Variants in BANK1 observed in about 807,000 individuals in gnomAD.
BANK1 encodes B cell scaffold protein with ankyrin repeats 1, also known as B-cell scaffold protein with ankyrin repeats.
In BANK1, 95 loss-of-function variants were observed where a neutral mutation model predicts 94.5. That is an observed-to-expected ratio of 1.00 (90% CI 0.85 to 1.19). The LOEUF (loss-of-function observed/expected upper bound fraction) is 1.19. Among genes scored for constraint, BANK1 ranks in the 50% most tolerant of loss-of-function variants. The pLI, the probability that BANK1 is intolerant of heterozygous loss-of-function variation, is 0.00. For missense variants in BANK1, 987 were observed against 932.2 expected, an observed-to-expected ratio of 1.06 and a Z score of -0.77; for synonymous variants, 334 against 308.4, an observed-to-expected ratio of 1.08 and a Z score of -0.87.
At chr4:102,000,322 CAAAAA>C (rs3974642) in intron 7 of BANK1, among the ~76,000 whole-genome samples, 4 of 66,102 alleles carry the variant, frequency 6.1e-5, no homozygotes, top group Non-Finnish European at 1.1e-4. Flanking sequence ...AACTCTGTCT[CAAAAA>C]AAAAAAAAAA....
At chr4:101,850,445 T>A (rs1054504564) in intron 2 of BANK1, among the ~76,000 whole-genome samples, 1 of 151,978 alleles carries the variant, frequency 6.6e-6, no homozygotes, top group African/African-American at 2.4e-5. Flanking sequence ...CTAATTTTTT[T>A]TTTTTTTTGT....
At chr4:102,055,872 A>C (rs536786386) in intron 11 of BANK1, among the ~76,000 whole-genome samples, 1 of 152,156 alleles carries the variant, frequency 6.6e-6, no homozygotes, top group African/African-American at 2.4e-5. Context: ...CTTTAGGGAG[A>C]GAGATGACAG....
intron 4 of BANK1, among the ~76,000 whole-genome samples, chr4:101,865,996 A>G (rs1728054868): frequency 6.6e-6 from 1 of 152,154 alleles, no homozygotes; most frequent in African/African-American, 2.4e-5. Flanking sequence ...AGGAGTATTT[A>G]CCTTACATCT....
At chr4:101,834,041 A>C (rs1381428114) in intron 2 of BANK1, among the ~76,000 whole-genome samples, 1 of 152,170 alleles carries the variant, frequency 6.6e-6, no homozygotes, top group East Asian at 1.9e-4. Context: ...CACACCCATA[A>C]TTTCTATTTA....
chr4:101,970,103 G>C (rs1167981820), intron 7 of BANK1, among the ~76,000 whole-genome samples: 1 of 152,036 alleles, frequency 6.6e-6, no homozygotes, highest in Non-Finnish European at 1.5e-5. Flanking sequence ...CTAATCCTCT[G>C]TTTCCTCCTC....
intron 2 of BANK1, among the ~76,000 whole-genome samples, chr4:101,839,134 A>T (rs1726937156): frequency 6.6e-6 from 1 of 152,232 alleles, no homozygotes; most frequent in African/African-American, 2.4e-5. Context: ...ACATTCATTT[A>T]TTGAGGATAT....
At chr4:101,817,004 G>A (rs901142044) in intron 1 of BANK1, among the ~76,000 whole-genome samples, 2 of 152,094 alleles carry the variant, frequency 1.3e-5, no homozygotes, top group Non-Finnish European at 2.9e-5. Flanking sequence ...ATAAAGCTTT[G>A]TTATAAAGCT....
intron 7 of BANK1, among the ~76,000 whole-genome samples, chr4:101,963,807 G>A (rs1724652797): frequency 6.6e-6 from 1 of 151,992 alleles, no homozygotes; most frequent in South Asian, 2.1e-4. Flanking sequence ...TGACCCTCCT[G>A]TATCTGTGCA....
chr4:101,962,973 GT>G (rs1373785826), intron 7 of BANK1, among the ~76,000 whole-genome samples: 1 of 152,016 alleles, frequency 6.6e-6, no homozygotes, highest in Non-Finnish European at 1.5e-5. Context: ...GCCTCAAAAT[GT>G]ACAAATTTGC....
intron 2 of BANK1, among the ~76,000 whole-genome samples, chr4:101,844,779 A>G (rs1421374529): frequency 6.6e-6 from 1 of 152,224 alleles, no homozygotes; most frequent in Non-Finnish European, 1.5e-5. Flanking sequence ...GGCATTTGAG[A>G]CATAGTCAAA....
At chr4:101,805,959 C>T (rs1578327308) in intron 1 of BANK1, among the ~76,000 whole-genome samples, 1 of 151,880 alleles carries the variant, frequency 6.6e-6, no homozygotes, top group African/African-American at 2.4e-5. Context: ...TTTAATATAA[C>T]TTTGAATATT....
intron 11 of BANK1, among the ~76,000 whole-genome samples, chr4:102,056,416 T>C (rs1241953610): frequency 6.6e-6 from 1 of 152,102 alleles, no homozygotes; most frequent in East Asian, 1.9e-4. Context: ...TTATTGAATA[T>C]ACAAACTTTG....
intron 2 of BANK1, among the ~76,000 whole-genome samples, chr4:101,851,608 A>G (rs1322382559): frequency 6.6e-6 from 1 of 152,182 alleles, no homozygotes; most frequent in Non-Finnish European, 1.5e-5. Flanking sequence ...CTGTCAGTTA[A>G]TAGTTGTTGC....
chr4:102,071,791 G>T (rs1410649280), intron 14 of BANK1, among the ~76,000 whole-genome samples: 2 of 152,186 alleles, frequency 1.3e-5, no homozygotes, highest in African/African-American at 4.8e-5. Flanking sequence ...TGTGCTGATG[G>T]GATAGTAAGG....
intron 1 of BANK1, among the ~76,000 whole-genome samples, chr4:101,819,260 T>A (rs918465022): frequency 1.3e-5 from 2 of 152,186 alleles, no homozygotes; most frequent in East Asian, 1.9e-4. Flanking sequence ...CTAGTACACG[T>A]GCCTTTAGGT....
At chr4:101,981,209 A>G (rs1298543056) in intron 7 of BANK1, among the ~76,000 whole-genome samples, 1 of 152,132 alleles carries the variant, frequency 6.6e-6, no homozygotes. Context: ...TGTGACTGAA[A>G]TAGATGTGTT....
intron 6 of BANK1, among the ~76,000 whole-genome samples, chr4:101,915,949 CTG>C (rs1194725042): frequency 6.6e-6 from 1 of 152,012 alleles, no homozygotes; most frequent in Non-Finnish European, 1.5e-5. Flanking sequence ...CAGCAATGCT[CTG>C]TTTTTACAGA....
chr4:101,968,480 G>GAGTT (rs374821546), intron 7 of BANK1, among the ~76,000 whole-genome samples: 45 of 152,152 alleles, frequency 3.0e-4, no homozygotes, highest in Non-Finnish European at 5.9e-4. Context: ...GTGTGAAGTA[G>GAGTT]AGTTGTACAG....
At chr4:102,034,131 T>C (rs1444973983) in intron 10 of BANK1, among the ~76,000 whole-genome samples, 2 of 152,176 alleles carry the variant, frequency 1.3e-5, no homozygotes, top group Non-Finnish European at 2.9e-5. Flanking sequence ...TCTGGCCCCA[T>C]TGCTTGCCAG....
Sources: gnomAD v4.1 joint callset for allele counts (sites outside exome capture counted in the v4.1 genomes callset) on GRCh38, gnomAD v4.1.1 for gene constraint, MANE v1.5 for transcripts, NCBI Gene and HGNC (gene_info 2026-07-23, HGNC 2026-07-21) for gene names.